The following TMPRSS7 variants were observed in gnomAD, a reference collection of about 807,000 sequenced individuals.
The protein encoded by TMPRSS7 is transmembrane serine protease 7.
TMPRSS7 carries 81 observed loss-of-function variants against 95.6 expected under a neutral mutation model. That is an observed-to-expected ratio of 0.85 (90% CI 0.71 to 1.02). The LOEUF (loss-of-function observed/expected upper bound fraction) is 1.02, where lower values mean the gene tolerates loss of function less well. Among genes scored for constraint, TMPRSS7 ranks in the 50% least tolerant of loss-of-function variants. TMPRSS7 has a pLI of 0.00. For synonymous variants in TMPRSS7, 364 were observed against 337.8 expected (o/e 1.08, Z -0.85); for missense variants, 945 against 955.2 (o/e 0.99, Z 0.14).
At chr3:112,072,534 AGTT>A (rs1324815141) in intron 13 of TMPRSS7, among the ~76,000 whole-genome samples, 1 of 152,244 alleles carries the variant, frequency 6.6e-6, no homozygotes, top group Non-Finnish European at 1.5e-5. Context: ...AGTCTTCAGA[AGTT>A]GTCTGCTGCC....
intron 4 of TMPRSS7, among the ~76,000 whole-genome samples, chr3:112,044,554 C>G (rs1559953095): frequency 6.6e-6 from 1 of 152,150 alleles, no homozygotes; most frequent in Non-Finnish European, 1.5e-5. Flanking sequence ...TCCTGAACCC[C>G]TATAGCAGTG....
rs754448505 is a variant in TMPRSS7, at chr3:112,061,786, G to A, written c.1311-1G>A. On this transcript the variant is annotated splice_acceptor_variant, in intron 10 of 17. Transcript: ENST00000452346. LOFTEE classifies it high-confidence loss of function. ...ATTCTCCCCGACTCTTGTCTCCCCA[G>A]GTACTGTGGCTCCTACATGGATCAT... 1.2e-6 allele frequency: 2 copies of A among 1,604,018 alleles called. No homozygotes were observed. The highest frequency in any genetic ancestry group is 1.7e-6 in the Non-Finnish European group (2 of 1,174,628).
At chr3:112,043,729 C>A (rs2073240165) in intron 3 of TMPRSS7, among the ~76,000 whole-genome samples, 2 of 152,164 alleles carry the variant, frequency 1.3e-5, no homozygotes, top group South Asian at 4.1e-4. Flanking sequence ...AGAGCTCTCC[C>A]TTGAGATCCA....
chr3:112,049,711 G>C, intron 7 of TMPRSS7, 133 bp from the exon 8 acceptor site: 1 of 674,222 alleles, frequency 1.5e-6, no homozygotes, highest in Non-Finnish European at 2.3e-6. Flanking sequence ...GGATCTGGCT[G>C]GGAGAGATTC....
rs577874135 is a variant in TMPRSS7, at chr3:112,056,883, C to T, written c.1204-142C>T. ...CTTCAGAACGCTCTCCTCCTTATCC[C>T]GCTTTGTTCAGGAGAACTGGTTTAC... On this transcript the variant is annotated intron_variant, in intron 9 of 17. Transcript: ENST00000452346. The T allele has an allele frequency of 2.7e-4, 146 of 534,418 alleles. No homozygotes were observed. In the Middle Eastern group the frequency reaches 4.0e-3, roughly 15 times the overall value. 33.1% of individuals were successfully genotyped at this position (534,418 alleles called of 1,614,324 possible).
At chr3:112,049,774 G>A (rs1023699847) in intron 7 of TMPRSS7, 70 bp from the exon 8 acceptor site, 74 of 1,322,252 alleles carry the variant, frequency 5.6e-5, no homozygotes, top group South Asian at 3.7e-5. Context: ...GTGTGGAATC[G>A]TTTTGAATGG....
chr3:112,073,919 A>C (rs1480618273), intron 13 of TMPRSS7, among the ~76,000 whole-genome samples: 1 of 152,208 alleles, frequency 6.6e-6, no homozygotes, highest in East Asian at 1.9e-4. Flanking sequence ...CTACTGATAT[A>C]AAATAACTGA....
intron 9 of TMPRSS7, among the ~76,000 whole-genome samples, chr3:112,054,625 T>C (rs2073407283): frequency 6.6e-6 from 1 of 151,204 alleles, no homozygotes; most frequent in Non-Finnish European, 1.5e-5. Context: ...TGGAATCTAG[T>C]GAAAATGCCT....
At chr3:112,037,062 G>A (rs546355726) in intron 1 of TMPRSS7, among the ~76,000 whole-genome samples, 11 of 152,210 alleles carry the variant, frequency 7.2e-5, no homozygotes, top group African/African-American at 2.2e-4. Flanking sequence ...CAAATTGTTC[G>A]TAAAGCATGT....
rs780213102 is a variant in TMPRSS7, at chr3:112,075,383, G to A, written c.1846G>A (p.Gly616Ser). The A allele has an allele frequency of 9.2e-6, 14 of 1,523,968 alleles. No individual in the cohort carries two copies. The South Asian group carries it at 1.8e-4, about 19-fold the overall frequency. The allele number at this position is 1,523,968 out of a possible 1,614,324, so 94.4% of individuals were successfully genotyped here. ...CGGAGGCACAGACACCCTGGAGGGG[G>A]GTTGGCCGTGGCAGGTCAGCCTCCA... Residue 616 changes from glycine to serine, a missense_variant, in exon 15 of 18, where the codon GGT becomes AGT. Transcript: ENST00000452346.
intron 16 of TMPRSS7, among the ~76,000 whole-genome samples, chr3:112,078,514 G>C (rs1440451702): frequency 6.6e-6 from 1 of 152,110 alleles, no homozygotes; most frequent in Non-Finnish European, 1.5e-5. Flanking sequence ...TCAGACCTTG[G>C]GTCTGAATCT....
intron 13 of TMPRSS7, among the ~76,000 whole-genome samples, chr3:112,071,447 T>A (rs564003219): frequency 1.3e-5 from 2 of 152,196 alleles, no homozygotes; most frequent in African/African-American, 4.8e-5. Context: ...TTTCAAGGAG[T>A]ATCTTTGTGG....
intron 10 of TMPRSS7, among the ~76,000 whole-genome samples, chr3:112,059,969 C>T (rs528106103): frequency 1.3e-5 from 2 of 152,260 alleles, no homozygotes; most frequent in South Asian, 4.1e-4. Flanking sequence ...CATGTAGGTT[C>T]TTTTCTATTT....
In TMPRSS7 at chr3:112,047,787, A is replaced by G. The variant is rs1304840247; in HGVS notation, c.779A>G (p.Tyr260Cys). The change falls in exon 7 of 18, where the codon TAC becomes TGC. Residue 260 changes from tyrosine (Y) to cysteine (C), a missense_variant. Coordinates refer to ENST00000452346, the Ensembl canonical transcript of TMPRSS7. ...TATGCAGAGCATCTGTCTCTCCACT[A>G]CCCGCTGGAGATTTCTGCAGCCTCA... 1.9e-6 allele frequency: 3 copies of G among 1,613,726 alleles called. No homozygotes were observed. The African/African-American group carries it at 4.0e-5, about 22-fold the overall frequency.
intron 2 of TMPRSS7, among the ~76,000 whole-genome samples, chr3:112,041,631 T>A (rs1205997797): frequency 1.3e-5 from 2 of 152,026 alleles, no homozygotes; most frequent in Admixed American, 6.6e-5. Flanking sequence ...TAAAGCAGGG[T>A]ATATATGGGC....
chr3:112,049,704 T>G, intron 7 of TMPRSS7, 140 bp from the exon 8 acceptor site: 1 of 612,320 alleles, frequency 1.6e-6, no homozygotes. Context: ...TGGATGAGGA[T>G]CTGGCTGGGA....
rs763424494 is a variant in TMPRSS7 at position 112,078,880 on chromosome 3, T to A, written c.2361+2T>A. ...TCAGGCAAGAGAGATGCCTGCAAAGTAAGTCATTGTACCTTTCCCTTGCCT... is the reference window on the plus strand; with the variant it reads ...TCAGGCAAGAGAGATGCCTGCAAAGAAAGTCATTGTACCTTTCCCTTGCCT... On this transcript the variant is annotated splice_donor_variant, in intron 17 of 17. Coordinates refer to ENST00000452346, the Ensembl canonical transcript of TMPRSS7. LOFTEE classifies it high-confidence loss of function. 6 of 1,613,356 alleles carry A rather than the reference T, an allele frequency of 3.7e-6. No homozygotes were observed. The highest frequency in any genetic ancestry group is 5.1e-6 in the Non-Finnish European group (6 of 1,179,958).
intron 9 of TMPRSS7, among the ~76,000 whole-genome samples, chr3:112,054,179 C>G (rs11713897): frequency 0.25 from 38,040 of 152,076 alleles, 4,874 homozygotes; most frequent in Middle Eastern, 0.28. Flanking sequence ...GTGTACACAC[C>G]ACCACTGGCA....
At chr3:112,080,572 TACC>T (rs3082394) in intron 17 of TMPRSS7, among the ~76,000 whole-genome samples, 3 of 150,414 alleles carry the variant, frequency 2.0e-5, no homozygotes, top group Admixed American at 6.6e-5. Flanking sequence ...CTACTACTAT[TACC>T]ACCACCACCA....
Sources: allele counts gnomAD v4.1 joint callset (sites outside exome capture counted in the v4.1 genomes callset), GRCh38; gene constraint gnomAD v4.1.1; transcripts MANE v1.5; gene names NCBI Gene and HGNC (gene_info 2026-07-23, HGNC 2026-07-21).